GPAM: variants seen among roughly 807,000 people sequenced by gnomAD.
GPAM encodes the protein glycerol-3-phosphate acyltransferase, mitochondrial.
GPAM carries 56 observed loss-of-function variants against 105.0 expected under a neutral mutation model. That is an observed-to-expected ratio of 0.53 (90% CI 0.43 to 0.67). The LOEUF is 0.67. Among genes scored for constraint, GPAM ranks in the 30% least tolerant of loss-of-function variants. GPAM has a pLI of 0.00. For synonymous variants in GPAM, 368 were observed against 354.4 expected, an observed-to-expected ratio of 1.04 and a Z score of -0.43; for missense variants, 855 against 989.8, an observed-to-expected ratio of 0.86 and a Z score of 1.83.
intron 20 of GPAM, 99 bp downstream of exon 20, chr10:112,155,765 G>A (rs1847006022): frequency 2.8e-6 from 2 of 716,462 alleles, no homozygotes; most frequent in East Asian, 5.4e-5. Flanking sequence ...TTAGAGGTCA[G>A]GATAAGTTTG....
rs369066755 is a variant in GPAM, at chr10:112,203,720, C to T, written n.210+11448G>A. On this transcript the variant is annotated intron_variant and non_coding_transcript_variant, in intron 1 of 3. Transcript: ENST00000480130. ...GACTGTGCCACACGCTCTCCATACA[C>T]TCTGTTATTTAATTCTCATAACTGT... Among the ~76,000 whole-genome samples the T allele has an allele frequency of 3.3e-5, 5 of 152,328 alleles. No homozygotes were observed. In the East Asian group the frequency reaches 9.6e-4, roughly 29 times the overall value.
chr10:112,177,114 G>T (rs1026822465), intron 5 of GPAM, among the ~76,000 whole-genome samples: 1 of 152,172 alleles, frequency 6.6e-6, no homozygotes, highest in Non-Finnish European at 1.5e-5. Context: ...AAAAGAGAGA[G>T]AGAGAGAGAC....
chr10:112,154,377 T>A, intron 21 of GPAM: 1 of 558,664 alleles, frequency 1.8e-6, no homozygotes, highest in Non-Finnish European at 3.2e-6. Context: ...ACCAGTTATA[T>A]ATAGCAGCTT....
Position 112,150,806 on chromosome 10 carries a change from T to C in GPAM, c.*2744A>G, listed in dbSNP as rs1238446243. ...TGATGAACATCTCACAGAGCACTCATATTACATGGAGTGCTATGGGAAATG... is the reference window on the plus strand; with the variant it reads ...TGATGAACATCTCACAGAGCACTCACATTACATGGAGTGCTATGGGAAATG... On this transcript the variant is annotated 3_prime_UTR_variant, in exon 22 of 22. Coordinates refer to ENST00000348367, the MANE Select transcript of GPAM (RefSeq NM_001244949.2). 6.1e-6 allele frequency: 6 copies of C among 984,138 alleles called. No individual in the cohort carries two copies. In the East Asian group the frequency reaches 3.4e-4, roughly 56 times the overall value. 61.0% of individuals were successfully genotyped at this position (984,138 alleles called of 1,614,324 possible).
intron 1 of GPAM, among the ~76,000 whole-genome samples, chr10:112,208,156 CCCAACAGAAG>C (rs1349749807): frequency 6.6e-6 from 1 of 152,036 alleles, no homozygotes; most frequent in Non-Finnish European, 1.5e-5. Context: ...CCCAAGATGC[CCCAACAGAAG>C]CACGTGGATA....
intron 1 of GPAM, among the ~76,000 whole-genome samples, chr10:112,189,956 C>T (rs528896239): frequency 1.3e-5 from 2 of 152,276 alleles, no homozygotes; most frequent in African/African-American, 4.8e-5. Flanking sequence ...TACTGCAACA[C>T]ATCCCAAGCC....
At chr10:112,178,129 T>A in intron 4 of GPAM, 72 bp from the exon 5 acceptor site, 1 of 793,096 alleles carries the variant, frequency 1.3e-6, no homozygotes, top group Non-Finnish European at 2.2e-6. Context: ...CATTATGAGT[T>A]CTTGATAACT....
chr10:112,226,452 A>G, the GPAM span, among the ~76,000 whole-genome samples: 8 of 152,188 alleles, frequency 5.3e-5, no homozygotes, highest in African/African-American at 7.2e-5. Context: ...GGCAAGGATC[A>G]CTAGGCCTGG....
At position 112,151,066 on chromosome 10, in the gene GPAM, C is replaced by T. The variant is rs1236008211; in HGVS notation, c.*2484G>A. The stretch of plus-strand genomic sequence containing the variant: ...CTCCTCTCTTCTGAATCACTTAGGA[C>T]ATTCTCATTTTCAAAAACAGACTGC... On this transcript the variant is annotated 3_prime_UTR_variant, in exon 22 of 22. Coordinates refer to ENST00000348367, the MANE Select transcript of GPAM (RefSeq NM_001244949.2). 6.7e-5 allele frequency: 66 copies of T among 984,680 alleles called. No individual in the cohort carries two copies. Among genetic ancestry groups the T allele is most frequent in the Non-Finnish European group, 7.5e-5 (62 of 829,136 alleles). 61.0% of individuals were successfully genotyped at this position (984,680 alleles called of 1,614,324 possible).
intron 1 of GPAM, among the ~76,000 whole-genome samples, chr10:112,198,504 A>T (rs1847751960): frequency 6.6e-6 from 1 of 152,210 alleles, no homozygotes; most frequent in Non-Finnish European, 1.5e-5. Context: ...GTACATGTAA[A>T]AAATTACATT....
chr10:112,213,316 T>G (rs1180693369), intron 1 of GPAM, among the ~76,000 whole-genome samples: 2 of 152,302 alleles, frequency 1.3e-5, no homozygotes, highest in Admixed American at 6.5e-5. Flanking sequence ...TAACTTATAG[T>G]TTGCTCATTC....
Position 112,150,588 on chromosome 10 carries a change from T to C in GPAM, c.*2962A>G. 1.0e-6 allele frequency: 1 copy of C among 974,020 alleles called. No individual in the cohort carries two copies. Among genetic ancestry groups the C allele is most frequent in the Non-Finnish European group, 1.2e-6 (1 of 819,356 alleles). 60.3% of individuals were successfully genotyped at this position (974,020 alleles called of 1,614,324 possible). A position where few individuals can be genotyped will look rare whatever the true frequency, so the allele number is the denominator to read the frequency against. ...ATCTAACATAGTGTTTCCCAAAATG[T>C]TCTCCACAGGACATTAGTGAGAGGT... On this transcript the variant is annotated 3_prime_UTR_variant, in exon 22 of 22. Transcript: ENST00000348367.
rs1334575528 is a variant in GPAM, at chr10:112,172,261, G to A, written c.715C>T (p.Leu239Phe). 1.9e-6 allele frequency: 3 copies of A among 1,609,232 alleles called. No homozygotes were observed. Among genetic ancestry groups the A allele is most frequent in the Non-Finnish European group, 2.6e-6 (3 of 1,175,744 alleles). The change falls in exon 9 of 22, where the codon CTC becomes TTC. Residue 239 changes from leucine to phenylalanine, a missense_variant. Leu to Phe is a conservative substitution (Grantham distance 22, BLOSUM62 0). Coordinates refer to ENST00000348367, the MANE Select transcript of GPAM (RefSeq NM_001244949.2). Reference protein sequence around the residue: ...VHRSHIDYLLLTFILFCHNIK... With the variant: ...VHRSHIDYLLFTFILFCHNIK... ...TTATGGCAGAAGAGAATGAAAGTGA[G>A]CAGCAGATAGTCAATATGGGATCTA... is the stretch of plus-strand genomic sequence containing the variant.
At chr10:112,197,644 C>G (rs1206078995) in intron 1 of GPAM, among the ~76,000 whole-genome samples, 5 of 118,100 alleles carry the variant, frequency 4.2e-5, no homozygotes, top group East Asian at 3.0e-4. Flanking sequence ...ACCCTCCCCC[C>G]ACCCCACAAC....
chr10:112,178,183 G>T (rs2487294), intron 4 of GPAM, 126 bp from the exon 5 acceptor site: 455,528 of 625,668 alleles, frequency 0.73, 167,122 homozygotes, highest in African/African-American at 0.86. Flanking sequence ...AAAATCTTAG[G>T]GAAGAAAAAA....
intron 1 of GPAM, among the ~76,000 whole-genome samples, chr10:112,211,325 C>T (rs990026480): frequency 1.9e-4 from 29 of 152,166 alleles, no homozygotes; most frequent in African/African-American, 6.8e-4. Flanking sequence ...TCTAACCTGC[C>T]ATCAAATAAC....
At chr10:112,183,868 C>T (rs1847556025), upstream of GPAM, 1 of 152,242 alleles carries the variant, frequency 6.6e-6, no homozygotes. Context: ...GTGAGCGGAT[C>T]CGAGGGTGTA....
chr10:112,200,926 A>T (rs7071332), intron 1 of GPAM, among the ~76,000 whole-genome samples: 45,829 of 152,078 alleles, frequency 0.3, 11,430 homozygotes, highest in African/African-American at 0.69. Context: ...TGTTCAATGA[A>T]TCAGACATAA....
rs76880336 is a variant in GPAM, at chr10:112,150,494, G to A, written c.*3056C>T. 723 of 985,284 alleles carry A rather than the reference G, an allele frequency of 7.3e-4. 5 individuals are homozygous for A. In the East Asian group the frequency reaches 0.029, roughly 40 times the overall value. 61.0% of individuals were successfully genotyped at this position (985,284 alleles called of 1,614,324 possible). On this transcript the variant is annotated 3_prime_UTR_variant, in exon 22 of 22. Coordinates refer to ENST00000348367, the MANE Select transcript of GPAM (RefSeq NM_001244949.2). ...ACATCTATTCAACGCCACACTGGAC[G>A]TTACAAAATGCATGCATATTCTGCC...
Sources: gnomAD v4.1 joint callset for allele counts (sites outside exome capture counted in the v4.1 genomes callset) on GRCh38, gnomAD v4.1.1 for gene constraint, MANE v1.5 for transcripts, NCBI Gene and HGNC (gene_info 2026-07-23, HGNC 2026-07-21) for gene names.